HTT: variants seen among roughly 807,000 people sequenced by gnomAD.
HTT encodes huntington disease protein.
A neutral mutation model predicts 362.3 loss-of-function variants in HTT; 104 were observed. The ratio of observed to expected loss-of-function variants is 0.29; its 90% CI spans 0.24 to 0.34. The LOEUF (loss-of-function observed/expected upper bound fraction) is 0.34. Ranked by LOEUF, HTT falls within the 10% of genes least tolerant of loss-of-function variation. The pLI is 1.00. For missense variants in HTT, 3,301 were observed against 3,928.6 expected, an observed-to-expected ratio of 0.84 and a Z score of 4.27; for synonymous variants, 1,577 against 1,548.7, an observed-to-expected ratio of 1.02 and a Z score of -0.43.
At chr4:3,176,930 C>T (rs911740013) in intron 33 of HTT, among the ~76,000 whole-genome samples, 6 of 152,210 alleles carry the variant, frequency 3.9e-5, no homozygotes, top group Admixed American at 1.3e-4. Context: ...CCATGCAGCC[C>T]TTACGTGTCG....
At chr4:3,106,807 G>A (rs1714455236) in intron 5 of HTT, among the ~76,000 whole-genome samples, 1 of 152,148 alleles carries the variant, frequency 6.6e-6, no homozygotes, top group Admixed American at 6.5e-5. Context: ...ACCACTCCTG[G>A]CACCTCGCAC....
intron 42 of HTT, among the ~76,000 whole-genome samples, chr4:3,204,979 G>T (rs955006444): frequency 1.3e-5 from 2 of 152,088 alleles, no homozygotes; most frequent in Admixed American, 6.6e-5. Flanking sequence ...CGAGACCCCT[G>T]CTCTAAAATA....
At chr4:3,220,391 C>T (rs1267409277) in intron 53 of HTT, 83 bp downstream of exon 53, 2 of 1,335,928 alleles carry the variant, frequency 1.5e-6, no homozygotes, top group African/African-American at 2.9e-5. Context: ...CTGGGATCTT[C>T]TCATTTGACT....
rs112585460 is a variant in HTT at position 3,157,614 on chromosome 4, C to T, written c.3753+415C>T. Among the ~76,000 whole-genome samples, 710 of 152,238 alleles carry T rather than the reference C, an allele frequency of 4.7e-3. 2 individuals carry two copies. Among genetic ancestry groups the T allele is most frequent in the Non-Finnish European group, 7.4e-3 (502 of 68,010 alleles). ...GACTCACAGAAGAAAAGCAGGTGTT[C>T]GGCATAAACCATGTGTTTCAAATAG... On this transcript the variant is annotated intron_variant, in intron 28 of 66. Transcript: ENST00000355072.
At chr4:3,192,217 G>A (rs2110253589) in intron 40 of HTT, among the ~76,000 whole-genome samples, 1 of 152,264 alleles carries the variant, frequency 6.6e-6, no homozygotes, top group African/African-American at 2.4e-5. Context: ...TGAGACAATA[G>A]GCATGTACCA....
chr4:3,099,604 G>A (rs1372775451), intron 3 of HTT, among the ~76,000 whole-genome samples: 1 of 147,740 alleles, frequency 6.8e-6, no homozygotes, highest in Non-Finnish European at 1.5e-5. Context: ...GTTTGGAGGT[G>A]CTCTGTTGTA....
chr4:3,111,887 C>T (rs1714770067), intron 6 of HTT, among the ~76,000 whole-genome samples: 1 of 152,160 alleles, frequency 6.6e-6, no homozygotes, highest in African/African-American at 2.4e-5. Context: ...TGTGGCGCCT[C>T]CAAAGCCCGA....
At position 3,190,049 on chromosome 4, in the gene HTT, A is replaced by T. The variant is rs1430968180; in HGVS notation, c.5368+956A>T. ...AAAACAAAACAAGACAAGAGCCAAAAATGGTTAAGATGGGCCAATCACAGT... is the reference window on the plus strand; with the variant it reads ...AAAACAAAACAAGACAAGAGCCAAATATGGTTAAGATGGGCCAATCACAGT... On this transcript the variant is annotated intron_variant, in intron 40 of 66. Transcript: ENST00000355072. Among the ~76,000 whole-genome samples the T allele has an allele frequency of 3.3e-5, 5 of 152,190 alleles. No individual in the cohort carries two copies. The East Asian group carries it at 7.7e-4, about 24-fold the overall frequency.
In HTT at chr4:3,131,743, A is replaced by G. The variant is rs376441426; in HGVS notation, c.2204A>G (p.Tyr735Cys). Residue 735 changes from tyrosine to cysteine, a missense_variant, in exon 16 of 67, where the codon TAT becomes TGT. This residue lies in a region of HTT where 2,316 missense variants were observed against 2,658.5 expected (regional missense o/e 0.87). Coordinates refer to ENST00000355072, the MANE Select transcript of HTT (RefSeq NM_001388492.1). Reference sequence around the variant, plus strand: ...CCGGAATCTTTCTTCAGCAAACTCTATAAAGTTCCTCTTGACACCACGGAA... The same window carrying G: ...CCGGAATCTTTCTTCAGCAAACTCTGTAAAGTTCCTCTTGACACCACGGAA... ...LHPESFFSKL[Y>C]KVPLDTTEYP... The G allele has an allele frequency of 3.1e-6, 5 of 1,614,016 alleles. No individual in the cohort carries two copies. The highest frequency in any genetic ancestry group is 1.3e-5 in the African/African-American group (1 of 74,926).
chr4:3,198,145 T>C (rs574026985), intron 40 of HTT, among the ~76,000 whole-genome samples: 1 of 152,148 alleles, frequency 6.6e-6, no homozygotes, highest in East Asian at 1.9e-4. Flanking sequence ...TTTAAGGCAT[T>C]GTGGAGCCCT....
intron 57 of HTT, among the ~76,000 whole-genome samples, chr4:3,226,188 T>C (rs149793197): frequency 8.1e-4 from 122 of 150,942 alleles, no homozygotes; most frequent in African/African-American, 2.7e-3. Flanking sequence ...CTTGGGGGGC[T>C]CCCTGAGTGT....
intron 29 of HTT, among the ~76,000 whole-genome samples, chr4:3,161,109 C>T (rs1371115275): frequency 6.6e-6 from 1 of 152,130 alleles, no homozygotes; most frequent in Non-Finnish European, 1.5e-5. Flanking sequence ...GTGTGATGTT[C>T]TCCTCCCTGT....
At chr4:3,097,011 C>T (rs1397031633) in intron 2 of HTT, among the ~76,000 whole-genome samples, 1 of 151,730 alleles carries the variant, frequency 6.6e-6, no homozygotes, top group African/African-American at 2.4e-5. Context: ...CCCAGCTAAC[C>T]AGGAGTCTAA....
chr4:3,160,239 G>T, intron 28 of HTT, 43 bp from the exon 29 acceptor site: 1 of 1,267,444 alleles, frequency 7.9e-7, no homozygotes, highest in South Asian at 1.3e-5. Flanking sequence ...ATGAGATCGT[G>T]ACAGGGCCAG....
chr4:3,157,690 G>A (rs969482338), intron 28 of HTT, among the ~76,000 whole-genome samples: 1 of 152,142 alleles, frequency 6.6e-6, no homozygotes, highest in African/African-American at 2.4e-5. Context: ...TTATGTCAGC[G>A]TAAGAAACTG....
At chr4:3,233,691 C>T (rs1017939869) in intron 61 of HTT, among the ~76,000 whole-genome samples, 10 of 152,262 alleles carry the variant, frequency 6.6e-5, no homozygotes, top group Non-Finnish European at 1.5e-4. Flanking sequence ...CCAGGCTAGC[C>T]TCCTCTCTGC....
intron 3 of HTT, among the ~76,000 whole-genome samples, chr4:3,101,350 T>G (rs2110157537): frequency 6.6e-6 from 1 of 152,342 alleles, no homozygotes; most frequent in South Asian, 2.1e-4. Flanking sequence ...CTTCTTTGTT[T>G]CCAGCCATTT....
intron 51 of HTT, 100 bp downstream of exon 51, chr4:3,215,311 C>A: frequency 1.3e-6 from 1 of 782,676 alleles, no homozygotes; most frequent in Non-Finnish European, 2.1e-6. Flanking sequence ...CTCCTGGAAG[C>A]GCACCGTAGC....
intron 1 of HTT, 117 bp downstream of exon 1, chr4:3,075,205 A>G (rs1712453716): frequency 9.7e-7 from 1 of 1,028,584 alleles, no homozygotes; most frequent in African/African-American, 1.7e-5. Flanking sequence ...GCAGAGACAG[A>G]GTGACCCAGC....
Sources: allele counts gnomAD v4.1 joint callset (sites outside exome capture counted in the v4.1 genomes callset), GRCh38; gene constraint gnomAD v4.1.1; regional missense constraint gnomAD v4.1.1; transcripts MANE v1.5; gene names NCBI Gene and HGNC (gene_info 2026-07-23, HGNC 2026-07-21).